PLPPR1: variants seen among roughly 807,000 people sequenced by gnomAD.
PLPPR1 encodes phospholipid phosphatase related 1.
Under a neutral mutation model 33.1 loss-of-function variants are expected in PLPPR1, and 10 were observed. The observed-to-expected ratio is 0.30, with a 90% CI of 0.19 to 0.51. The LOEUF (loss-of-function observed/expected upper bound fraction) is 0.51, where lower values mean the gene tolerates loss of function less well. Among genes scored for constraint, PLPPR1 ranks in the 20% least tolerant of loss-of-function variants. The pLI is 0.97. For synonymous variants in PLPPR1, 151 were observed against 151.0 expected (o/e 1.00, Z 0.00); for missense variants, 304 against 408.1 (o/e 0.74, Z 2.20).
chr9:101,213,392 C>A (rs1826722957), intron 2 of PLPPR1, among the ~76,000 whole-genome samples: 1 of 152,022 alleles, frequency 6.6e-6, no homozygotes, highest in Admixed American at 6.5e-5. Context: ...ATATTAAATT[C>A]AAAATAAGGA....
At chr9:101,142,758 C>G (rs1014135454) in intron 1 of PLPPR1, among the ~76,000 whole-genome samples, 2 of 151,468 alleles carry the variant, frequency 1.3e-5, no homozygotes, top group Non-Finnish European at 2.9e-5. Context: ...TTTTTTTTCC[C>G]CTTGGCATTA....
chr9:101,172,353 G>GAA (rs55644832), intron 1 of PLPPR1, among the ~76,000 whole-genome samples: 2,815 of 148,302 alleles, frequency 0.019, 51 homozygotes, highest in Admixed American at 0.03. Flanking sequence ...CACTAAAGGG[G>GAA]AAAAAAAAAA....
chr9:101,251,271 G>T (rs903335766), intron 2 of PLPPR1, among the ~76,000 whole-genome samples: 13 of 152,042 alleles, frequency 8.6e-5, no homozygotes, highest in Non-Finnish European at 1.8e-4. Flanking sequence ...TTTAGTGAAT[G>T]AATCATTTTT....
At chr9:101,109,616 T>C (rs1022562691) in intron 1 of PLPPR1, among the ~76,000 whole-genome samples, 1 of 152,230 alleles carries the variant, frequency 6.6e-6, no homozygotes, top group African/African-American at 2.4e-5. Flanking sequence ...AGTATGTTTT[T>C]CAAAAGGTAT....
intron 2 of PLPPR1, among the ~76,000 whole-genome samples, chr9:101,266,329 G>A (rs1463875698): frequency 6.7e-6 from 1 of 149,822 alleles, no homozygotes; most frequent in Non-Finnish European, 1.5e-5. Context: ...CGGGAAAGCG[G>A]AGGTTGCAGT....
chr9:101,212,102 A>AGAT (rs1312151258), intron 2 of PLPPR1, among the ~76,000 whole-genome samples: 1 of 151,890 alleles, frequency 6.6e-6, no homozygotes. Context: ...TTTGTTTCTG[A>AGAT]GATGGAGTCT....
intron 1 of PLPPR1, among the ~76,000 whole-genome samples, chr9:101,070,714 AT>A (rs918276996): frequency 2.9e-4 from 44 of 152,026 alleles, no homozygotes; most frequent in African/African-American, 9.2e-4. Flanking sequence ...TATTTGCTCC[AT>A]TTTTTCCCCT....
intron 1 of PLPPR1, among the ~76,000 whole-genome samples, chr9:101,033,999 A>G (rs1275571843): frequency 6.6e-6 from 1 of 152,138 alleles, no homozygotes. Flanking sequence ...CAATTTTAGT[A>G]TAGCAGTGTG....
rs567996507 is a variant in PLPPR1, at chr9:101,240,954, C to T, written c.64-28926C>T. 8.8e-4 allele frequency among the ~76,000 whole-genome samples: 134 copies of T among 152,178 alleles called. 1 individual carries two copies. In the Middle Eastern group the frequency reaches 0.01, roughly 12 times the overall value. On this transcript the variant is annotated intron_variant, in intron 2 of 7. Coordinates refer to ENST00000374874, the MANE Select transcript of PLPPR1 (RefSeq NM_207299.2). The stretch of plus-strand genomic sequence containing the variant: ...AGCCAATAATGAAGGCATTGCCATA[C>T]TTTACTTGAACACGGTAAAACAAGC...
chr9:101,309,585 C>G (rs1236264464), intron 5 of PLPPR1, 124 bp downstream of exon 5: 2 of 1,039,644 alleles, frequency 1.9e-6, no homozygotes, highest in African/African-American at 1.6e-5. Context: ...GCATATTTCT[C>G]TACATTATGC....
At chr9:101,044,345 G>A (rs992461085) in intron 1 of PLPPR1, among the ~76,000 whole-genome samples, 6 of 152,112 alleles carry the variant, frequency 3.9e-5, no homozygotes, top group South Asian at 2.1e-4. Flanking sequence ...GTTCATACAC[G>A]ACTCCCTGAA....
chr9:101,089,809 C>T (rs78241823), intron 1 of PLPPR1, among the ~76,000 whole-genome samples: 5,630 of 152,146 alleles, frequency 0.037, 270 homozygotes, highest in South Asian at 0.19. Flanking sequence ...GAGATTGAGT[C>T]AAAATTACTG....
intron 2 of PLPPR1, among the ~76,000 whole-genome samples, chr9:101,238,367 G>GTA (rs1223231318): frequency 1.7e-5 from 2 of 117,684 alleles, no homozygotes; most frequent in African/African-American, 3.4e-5. Context: ...ATATATATGG[G>GTA]TATATATATA....
chr9:101,059,848 C>T (rs75871877), intron 1 of PLPPR1, among the ~76,000 whole-genome samples: 1 of 151,952 alleles, frequency 6.6e-6, no homozygotes, highest in African/African-American at 2.4e-5. Context: ...AAAAGGGAAC[C>T]CTTGCACACC....
intron 1 of PLPPR1, among the ~76,000 whole-genome samples, chr9:101,055,853 C>A (rs1461917911): frequency 6.6e-6 from 1 of 152,178 alleles, no homozygotes; most frequent in African/African-American, 2.4e-5. Context: ...CTAGTAGACA[C>A]AATTAACTTC....
At chr9:101,220,959 G>C (rs1012653260) in intron 2 of PLPPR1, among the ~76,000 whole-genome samples, 3 of 152,192 alleles carry the variant, frequency 2.0e-5, no homozygotes, top group Non-Finnish European at 4.4e-5. Flanking sequence ...AGAAATGGAT[G>C]CTGGGTTGAG....
chr9:101,171,692 T>C (rs910344267), intron 1 of PLPPR1, among the ~76,000 whole-genome samples: 3 of 152,214 alleles, frequency 2.0e-5, no homozygotes, highest in African/African-American at 7.2e-5. Context: ...TATTTTGCAC[T>C]CACCTGCAAT....
intron 2 of PLPPR1, among the ~76,000 whole-genome samples, chr9:101,269,345 G>A (rs1480544878): frequency 6.6e-6 from 1 of 152,180 alleles, no homozygotes. Context: ...AACTTAGGGT[G>A]TCGAAATTTC....
intron 1 of PLPPR1, among the ~76,000 whole-genome samples, chr9:101,063,838 A>G (rs1024785527): frequency 6.6e-6 from 1 of 152,124 alleles, no homozygotes; most frequent in African/African-American, 2.4e-5. Flanking sequence ...AGCGCTTACC[A>G]TAATTGGCCA....
Sources: gnomAD v4.1 joint callset for allele counts (sites outside exome capture counted in the v4.1 genomes callset) on GRCh38, gnomAD v4.1.1 for gene constraint, MANE v1.5 for transcripts, NCBI Gene and HGNC (gene_info 2026-07-23, HGNC 2026-07-21) for gene names.